The following LRRC4C variants were observed in gnomAD, a reference collection of about 807,000 sequenced individuals.
The protein encoded by LRRC4C is leucine-rich repeat-containing protein 4C.
LRRC4C carries 5 observed loss-of-function variants against 33.6 expected under a neutral mutation model. That is an observed-to-expected ratio of 0.15 (90% CI 0.08 to 0.31). The LOEUF (loss-of-function observed/expected upper bound fraction) is 0.31. LRRC4C is among the 10% of genes least tolerant of loss of function. LRRC4C has a pLI of 1.00. For synonymous variants in LRRC4C, 329 were observed against 302.0 expected (o/e 1.09, Z -0.93); for missense variants, 560 against 796.7 (o/e 0.70, Z 3.58).
chr11:41,054,489 G>T (rs762196977), intron 1 of LRRC4C, among the ~76,000 whole-genome samples: 24 of 152,148 alleles, frequency 1.6e-4, no homozygotes, highest in Non-Finnish European at 2.9e-4. Flanking sequence ...AATATCTAGA[G>T]GTGTTGCTGT....
chr11:40,268,402 T>A (rs983236060), intron 4 of LRRC4C, among the ~76,000 whole-genome samples: 2 of 152,140 alleles, frequency 1.3e-5, no homozygotes, highest in African/African-American at 4.8e-5. Flanking sequence ...GAAAACAAAA[T>A]CTCTTGGGAC....
At chr11:41,379,012 G>T (rs1953045269) in intron 1 of LRRC4C, among the ~76,000 whole-genome samples, 2 of 146,938 alleles carry the variant, frequency 1.4e-5, no homozygotes. Flanking sequence ...TTTCATGCTT[G>T]TTTTTTTCTG....
chr11:40,535,664 T>C (rs997828844), intron 3 of LRRC4C, among the ~76,000 whole-genome samples: 1 of 152,220 alleles, frequency 6.6e-6, no homozygotes, highest in Non-Finnish European at 1.5e-5. Flanking sequence ...TTGTACTGGG[T>C]TGACTTTGAG....
In LRRC4C at chr11:41,027,426, A is replaced by G. The variant is rs375995526; in HGVS notation, c.-495-93703T>C. Among the ~76,000 whole-genome samples, 17 of 151,800 alleles carry G rather than the reference A, an allele frequency of 1.1e-4. 1 individual carries two copies. The East Asian group carries it at 1.2e-3, about 10-fold the overall frequency. ...GAGCAATTAAAATGCTAATTAAAAA[A>G]CAATCTAAAACTTAGCACTCAGAAG... On this transcript the variant is annotated intron_variant, in intron 1 of 6. Transcript: ENST00000528697.
rs149351723 is a variant in LRRC4C at position 41,239,386 on chromosome 11, C to A, written c.-496+220045G>T. 2.9e-3 allele frequency among the ~76,000 whole-genome samples: 434 copies of A among 149,980 alleles called. 1 individual carries two copies. The highest frequency in any genetic ancestry group is 9.9e-3 in the African/African-American group (404 of 40,978). On this transcript the variant is annotated intron_variant, in intron 1 of 6. Coordinates refer to ENST00000528697, the MANE Select transcript of LRRC4C (RefSeq NM_001258419.2). The stretch of plus-strand genomic sequence containing the variant: ...TTTTCCTATTTAATCAGAGTAATTG[C>A]CAAAATACTATTAATGGTCTACAAG...
At chr11:40,612,081 T>C (rs982181716) in intron 3 of LRRC4C, among the ~76,000 whole-genome samples, 8 of 151,792 alleles carry the variant, frequency 5.3e-5, no homozygotes, top group African/African-American at 1.7e-4. Context: ...AAAATGATAT[T>C]TGCACTTCCA....
Position 40,494,781 on chromosome 11 carries a change from A to G in LRRC4C, c.-270+153361T>C, listed in dbSNP as rs937351459. 4.6e-5 allele frequency among the ~76,000 whole-genome samples: 7 copies of G among 152,200 alleles called. No individual in the cohort carries two copies. In the South Asian group the frequency reaches 1.4e-3, roughly 31 times the overall value. On this transcript the variant is annotated intron_variant, in intron 3 of 6. Coordinates refer to ENST00000528697, the MANE Select transcript of LRRC4C (RefSeq NM_001258419.2). The stretch of plus-strand genomic sequence containing the variant: ...TGAAGAGTTGTTGAGCAGCTGCTAC[A>G]CAGCTTTTTTACTTGGATACCACAC...
chr11:40,414,252 G>A (rs1466748054), intron 3 of LRRC4C, among the ~76,000 whole-genome samples: 1 of 151,964 alleles, frequency 6.6e-6, no homozygotes, highest in African/African-American at 2.4e-5. Flanking sequence ...CGAGAGGATT[G>A]GTATTTAAAT....
intron 1 of LRRC4C, among the ~76,000 whole-genome samples, chr11:41,014,517 T>A (rs1800627368): frequency 6.6e-6 from 1 of 152,082 alleles, no homozygotes; most frequent in Non-Finnish European, 1.5e-5. Flanking sequence ...AGCCAAGATT[T>A]TTACAGGTTT....
intron 3 of LRRC4C, among the ~76,000 whole-genome samples, chr11:40,475,272 TA>T (rs1396650639): frequency 6.6e-6 from 1 of 151,956 alleles, no homozygotes; most frequent in Non-Finnish European, 1.5e-5. Flanking sequence ...TATGCAGCCA[TA>T]AAAAAGGAAA....
chr11:40,315,479 TTAA>T (rs1194146101), intron 4 of LRRC4C, among the ~76,000 whole-genome samples: 7 of 152,036 alleles, frequency 4.6e-5, no homozygotes, highest in African/African-American at 1.2e-4. Context: ...TGTAAAATTA[TTAA>T]TGTCACATTT....
chr11:40,535,780 A>G (rs758065181), intron 3 of LRRC4C, among the ~76,000 whole-genome samples: 1 of 152,240 alleles, frequency 6.6e-6, no homozygotes, highest in Non-Finnish European at 1.5e-5. Context: ...AGTATAAATG[A>G]TAAGGTGAAA....
At chr11:40,313,599 CTTTTT>C (rs60735627) in intron 4 of LRRC4C, among the ~76,000 whole-genome samples, 8 of 72,532 alleles carry the variant, frequency 1.1e-4, no homozygotes, top group African/African-American at 5.2e-4. Context: ...AGGGGAAATT[CTTTTT>C]TTTTTTTTTT....
chr11:40,510,440 C>A (rs1185365879), intron 3 of LRRC4C, among the ~76,000 whole-genome samples: 1 of 151,974 alleles, frequency 6.6e-6, no homozygotes, highest in Non-Finnish European at 1.5e-5. Flanking sequence ...ATAATAATGA[C>A]TATTTTACTC....
intron 3 of LRRC4C, among the ~76,000 whole-genome samples, chr11:40,582,240 G>C (rs1958500631): frequency 6.6e-6 from 1 of 152,090 alleles, no homozygotes; most frequent in Admixed American, 6.5e-5. Flanking sequence ...TCCACTTTCA[G>C]ACTGATTTTT....
intron 5 of LRRC4C, among the ~76,000 whole-genome samples, chr11:40,170,859 G>T (rs1030954195): frequency 4.6e-5 from 7 of 152,096 alleles, no homozygotes; most frequent in African/African-American, 1.7e-4. Flanking sequence ...CAAAGAGAAT[G>T]CCTGTGATTA....
rs944848460 is a variant in LRRC4C at position 40,965,282 on chromosome 11, T to G, written c.-495-31559A>C. 5.9e-5 allele frequency among the ~76,000 whole-genome samples: 9 copies of G among 152,060 alleles called. 2 individuals carry two copies. Among genetic ancestry groups the G allele is most frequent in the Non-Finnish European group, 2.9e-5 (2 of 67,932 alleles). ...TCTGGATATTAGCCCTTTGTCAGATTAGTAGGTTACAAAAATTTTCTCCCA... is the reference window on the plus strand; with the variant it reads ...TCTGGATATTAGCCCTTTGTCAGATGAGTAGGTTACAAAAATTTTCTCCCA... On this transcript the variant is annotated intron_variant, in intron 1 of 6. Coordinates refer to ENST00000528697, the MANE Select transcript of LRRC4C (RefSeq NM_001258419.2).
At chr11:40,776,612 T>G (rs1254415994) in intron 2 of LRRC4C, among the ~76,000 whole-genome samples, 1 of 152,018 alleles carries the variant, frequency 6.6e-6, no homozygotes, top group Non-Finnish European at 1.5e-5. Context: ...TTATTTGGAT[T>G]TTTTTCTCTT....
rs181715292 is a variant in LRRC4C, at chr11:40,871,004, G to A, written c.-407+62631C>T. Among the ~76,000 whole-genome samples the A allele has an allele frequency of 2.4e-3, 358 of 152,138 alleles. 2 individuals are homozygous for A. The highest frequency in any genetic ancestry group is 7.7e-3 in the African/African-American group (321 of 41,540). On this transcript the variant is annotated intron_variant, in intron 2 of 6. Coordinates refer to ENST00000528697, the MANE Select transcript of LRRC4C (RefSeq NM_001258419.2). ...GGGTAGCCTCTGAAATGGCCACTTC[G>A]GCGGGGCGGCCGTCTTTTATGGTCG...
Sources: gnomAD v4.1 joint callset for allele counts (sites outside exome capture counted in the v4.1 genomes callset) on GRCh38, gnomAD v4.1.1 for gene constraint, MANE v1.5 for transcripts, NCBI Gene and HGNC (gene_info 2026-07-23, HGNC 2026-07-21) for gene names.